RPGRIP1L: variants seen among roughly 807,000 people sequenced by gnomAD.
RPGRIP1L encodes protein fantom.
Under a neutral mutation model 160.4 loss-of-function variants are expected in RPGRIP1L, and 131 were observed. That is an observed-to-expected ratio of 0.82 (90% CI 0.71 to 0.94). RPGRIP1L has a LOEUF of 0.94. Ranked by LOEUF, RPGRIP1L falls within the 40% of genes least tolerant of loss-of-function variation. The probability of loss-of-function intolerance (pLI) is 0.00; values close to 1 mark genes in which losing one functional copy is unlikely to be tolerated. For missense variants in RPGRIP1L, 1,522 were observed against 1,535.8 expected (o/e 0.99, Z 0.15); for synonymous variants, 510 against 515.8 (o/e 0.99, Z 0.15).
At position 53,658,754 on chromosome 16, in the gene RPGRIP1L, A is replaced by C. The variant is rs1215344298; in HGVS notation, c.1350+18T>G. The C allele has an allele frequency of 1.3e-6, 2 of 1,514,774 alleles. No individual in the cohort carries two copies. The highest frequency in any genetic ancestry group is 2.7e-5 in the African/African-American group (2 of 73,056). 93.8% of individuals were successfully genotyped at this position (1,514,774 alleles called of 1,614,324 possible). ...TAAAAATTCTGAGTTTTATTTCTTA[A>C]ATAAGGAAATAATTCACCTGGTTGT... On this transcript the variant is annotated intron_variant, in intron 11 of 26. Coordinates refer to ENST00000647211, the MANE Select transcript of RPGRIP1L (RefSeq NM_015272.5).
At position 53,677,348 on chromosome 16, in the gene RPGRIP1L, A is replaced by C. The variant is rs188065238; in HGVS notation, c.777-2226T>G. Among the ~76,000 whole-genome samples the C allele has an allele frequency of 1.9e-3, 287 of 152,356 alleles. 2 individuals carry two copies. The highest frequency in any genetic ancestry group is 6.6e-3 in the African/African-American group (274 of 41,588). ...CAAATAAAAAGTCAGTTTGCTGCAG[A>C]GTACACCTTTCCTGGGACAATGCTA... On this transcript the variant is annotated intron_variant, in intron 6 of 26. Coordinates refer to ENST00000647211, the MANE Select transcript of RPGRIP1L (RefSeq NM_015272.5).
chr16:53,678,949 A>T (rs1305284273), intron 6 of RPGRIP1L, among the ~76,000 whole-genome samples: 1 of 152,234 alleles, frequency 6.6e-6, no homozygotes, highest in Non-Finnish European at 1.5e-5. Context: ...ATCCCCTATG[A>T]CTAGGGCTAC....
chr16:53,638,979 T>A lies in RPGRIP1L; in HGVS notation c.2959-568A>T, dbSNP rs576897534. Among the ~76,000 whole-genome samples, 4 of 148,414 alleles carry A rather than the reference T, an allele frequency of 2.7e-5. No homozygotes were observed. In the East Asian group the frequency reaches 7.8e-4, roughly 29 times the overall value. On this transcript the variant is annotated intron_variant, in intron 19 of 26. Transcript: ENST00000647211. ...GGAACATTAACTTTTATTTTCACTG[T>A]TTTTTTTTTCTTCTTTGTATTTTCT...
In RPGRIP1L at chr16:53,656,556, TTTCCATC is replaced by T. The variant is rs2151150644; in HGVS notation, c.1608_1614del (p.Met537IlefsTer27). The T allele has an allele frequency of 6.2e-7, 1 of 1,613,982 alleles. No individual in the cohort carries two copies. Among genetic ancestry groups the T allele is most frequent in the Non-Finnish European group, 8.5e-7 (1 of 1,179,888 alleles). On this transcript the variant is annotated frameshift_variant, in exon 14 of 27. Coordinates refer to ENST00000647211, the MANE Select transcript of RPGRIP1L (RefSeq NM_015272.5). LOFTEE classifies it high-confidence loss of function. ...TTGAGTTCATAATCTTGCTGCAAAT[TTTCCATC>T]TTACGGGTCACTGCCTCAACCTCCA...
In RPGRIP1L at chr16:53,622,319, G is replaced by A. The variant is rs963424967; in HGVS notation, c.3332C>T (p.Ala1111Val). Residue 1111 changes from alanine to valine, a missense_variant, in exon 23 of 27, where the codon GCG becomes GTG. By Grantham distance (64) the Ala-to-Val change is moderately conservative (BLOSUM62 0). Coordinates refer to ENST00000647211, the MANE Select transcript of RPGRIP1L (RefSeq NM_015272.5). ...ALSPGLGCSS[A>V]ISAHCNFRLP... Reference sequence around the variant, plus strand: ...GCGGAAGTTGCAGTGAGCTGAGATCGCGCTACTGCACCCCAGCCCGGGAGA... The same window carrying A: ...GCGGAAGTTGCAGTGAGCTGAGATCACGCTACTGCACCCCAGCCCGGGAGA... The A allele has an allele frequency of 4.0e-5, 26 of 645,228 alleles. 1 individual carries two copies. The highest frequency in any genetic ancestry group is 6.0e-5 in the Non-Finnish European group (21 of 352,300). 40.0% of individuals were successfully genotyped at this position (645,228 alleles called of 1,614,324 possible).
intron 22 of RPGRIP1L, among the ~76,000 whole-genome samples, chr16:53,630,198 C>T (rs1336498075): frequency 6.6e-6 from 1 of 151,996 alleles, no homozygotes; most frequent in African/African-American, 2.4e-5. Context: ...GCATGTGTCA[C>T]CAGGCTTGGC....
At chr16:53,683,949 C>T (rs775582715) in intron 6 of RPGRIP1L, among the ~76,000 whole-genome samples, 2 of 152,020 alleles carry the variant, frequency 1.3e-5, no homozygotes, top group South Asian at 2.1e-4. Flanking sequence ...AAATTGAAAA[C>T]GGGCCCCTTT....
At chr16:53,654,975 C>T (rs1967122482) in intron 14 of RPGRIP1L, among the ~76,000 whole-genome samples, 1 of 152,158 alleles carries the variant, frequency 6.6e-6, no homozygotes, top group Admixed American at 6.5e-5. Flanking sequence ...GTTTGGAAAC[C>T]CCTGATGGTC....
chr16:53,676,497 T>TAA (rs1425395745), intron 6 of RPGRIP1L, among the ~76,000 whole-genome samples: 1 of 152,152 alleles, frequency 6.6e-6, no homozygotes, highest in Non-Finnish European at 1.5e-5. Context: ...GCCCCAGAAT[T>TAA]ACCTGGTTTG....
At chr16:53,697,595 C>T (rs1056874294) in intron 2 of RPGRIP1L, among the ~76,000 whole-genome samples, 16 of 152,230 alleles carry the variant, frequency 1.1e-4, no homozygotes, top group South Asian at 2.1e-4. Context: ...AGCTCCTGAC[C>T]GCGAGTGATC....
rs1003253635 is a variant in RPGRIP1L, at chr16:53,666,564, C to CTG, written c.1104-1556_1104-1555insCA. Among the ~76,000 whole-genome samples, 8 of 112,336 alleles carry CTG rather than the reference C, an allele frequency of 7.1e-5. No individual in the cohort carries two copies. In the East Asian group the frequency reaches 1.8e-3, roughly 25 times the overall value. The allele number at this position is 112,336 out of a possible 152,430, so 73.7% of individuals were successfully genotyped here. The stretch of plus-strand genomic sequence containing the variant: ...CATATATGCATGAATGTGAGTACAT[C>CTG]TATGTGTGTGTGTGTGTGTGTGTGT... On this transcript the variant is annotated intron_variant, in intron 9 of 26. Transcript: ENST00000647211.
intron 4 of RPGRIP1L, among the ~76,000 whole-genome samples, chr16:53,691,058 A>G (rs13334070): frequency 0.13 from 19,876 of 151,864 alleles, 2,010 homozygotes; most frequent in East Asian, 0.31. Context: ...TTTTGGCTTC[A>G]AGAGCGAACT....
At chr16:53,696,094 C>T (rs2151378703) in intron 3 of RPGRIP1L, 57 bp downstream of exon 3, 8 of 1,537,060 alleles carry the variant, frequency 5.2e-6, no homozygotes, top group South Asian at 1.1e-5. Flanking sequence ...TATAAAATAC[C>T]ATACCCTCCA....
chr16:53,652,050 T>C (rs1598328700), intron 15 of RPGRIP1L, among the ~76,000 whole-genome samples: 1 of 152,234 alleles, frequency 6.6e-6, no homozygotes, highest in South Asian at 2.1e-4. Flanking sequence ...AAAAAATTAA[T>C]AGCCATTGTA....
Position 53,639,938 on chromosome 16 carries a change from G to A in RPGRIP1L, c.2958+1095C>T, listed in dbSNP as rs1361421419. Among the ~76,000 whole-genome samples the A allele has an allele frequency of 2.6e-5, 4 of 152,240 alleles. No homozygotes were observed. The East Asian group carries it at 7.7e-4, about 29-fold the overall frequency. On this transcript the variant is annotated intron_variant, in intron 19 of 26. Coordinates refer to ENST00000647211, the MANE Select transcript of RPGRIP1L (RefSeq NM_015272.5). The stretch of plus-strand genomic sequence containing the variant: ...TTTGATGTGGGTGGTAGTTACACAG[G>A]TGTATACATATTTAAAAATCCATTG...
intron 7 of RPGRIP1L, among the ~76,000 whole-genome samples, chr16:53,674,049 C>CT (rs1968958471): frequency 6.6e-6 from 1 of 151,918 alleles, no homozygotes; most frequent in African/African-American, 2.4e-5. Context: ...TTAAAATTTC[C>CT]TTCTTCTAAC....
intron 19 of RPGRIP1L, among the ~76,000 whole-genome samples, chr16:53,640,205 C>T (rs1196433479): frequency 6.6e-6 from 1 of 152,094 alleles, no homozygotes; most frequent in Non-Finnish European, 1.5e-5. Flanking sequence ...ATGTCATTTA[C>T]AGAGAATGGG....
At chr16:53,702,272 T>A (rs1298075373) in intron 1 of RPGRIP1L, among the ~76,000 whole-genome samples, 1 of 152,190 alleles carries the variant, frequency 6.6e-6, no homozygotes, top group Non-Finnish European at 1.5e-5. Context: ...TTGAAAGTAT[T>A]AATAGTTGTG....
rs1965973986 is a variant in RPGRIP1L at position 53,638,383 on chromosome 16, T to C, written c.2987A>G (p.Lys996Arg). 6.3e-7 allele frequency: 1 copy of C among 1,589,832 alleles called. No individual in the cohort carries two copies. Among genetic ancestry groups the C allele is most frequent in the Non-Finnish European group, 8.6e-7 (1 of 1,158,472 alleles). Residue 996 changes from lysine to arginine, a missense_variant, in exon 20 of 27, where the codon AAG becomes AGG. Physicochemically the swap from Lys to Arg is conservative, Grantham distance 26 (BLOSUM62 2). Coordinates refer to ENST00000647211, the MANE Select transcript of RPGRIP1L (RefSeq NM_015272.5). ...ATGCTCTACCTCTGGTGAAATTTCC[T>C]TCCTATCTTCAGGAGGAGGAGAAGT... ...DETSPPPEDR[K>R]EISPEVEHIP...
Sources: gnomAD v4.1 joint callset for allele counts (sites outside exome capture counted in the v4.1 genomes callset) on GRCh38, gnomAD v4.1.1 for gene constraint, MANE v1.5 for transcripts, NCBI Gene and HGNC (gene_info 2026-07-23, HGNC 2026-07-21) for gene names.